Variants in LRBA observed in about 807,000 individuals in gnomAD.
The protein encoded by LRBA is lipopolysaccharide-responsive and beige-like anchor protein.
A neutral mutation model predicts 330.0 loss-of-function variants in LRBA; 176 were observed. That is an observed-to-expected ratio of 0.53 (90% CI 0.47 to 0.60). The LOEUF (loss-of-function observed/expected upper bound fraction) is 0.60, where lower values mean the gene tolerates loss of function less well. LRBA is among the 20% of genes least tolerant of loss of function. LRBA has a pLI of 0.00. For missense variants in LRBA, 3,259 were observed against 3,444.8 expected (o/e 0.95, Z 1.35); for synonymous variants, 1,230 against 1,193.0 (o/e 1.03, Z -0.64).
intron 47 of LRBA, among the ~76,000 whole-genome samples, chr4:150,366,616 C>G (rs1217025513): frequency 3.9e-5 from 6 of 152,116 alleles, no homozygotes; most frequent in Admixed American, 3.3e-4. Context: ...AAATCCAAAG[C>G]CAGGCATGGA....
intron 34 of LRBA, among the ~76,000 whole-genome samples, chr4:150,783,108 C>T (rs763414647): frequency 3.3e-5 from 5 of 152,104 alleles, no homozygotes; most frequent in Non-Finnish European, 7.4e-5. Flanking sequence ...GATATCACAC[C>T]GAGCAATCTA....
chr4:150,889,552 G>A (rs1729268922), intron 17 of LRBA, among the ~76,000 whole-genome samples: 1 of 152,166 alleles, frequency 6.6e-6, no homozygotes, highest in South Asian at 2.1e-4. Flanking sequence ...ATCAGCTGTG[G>A]CATTAGATTC....
intron 37 of LRBA, among the ~76,000 whole-genome samples, chr4:150,642,736 A>C (rs1040771119): frequency 6.6e-6 from 1 of 151,910 alleles, no homozygotes; most frequent in Non-Finnish European, 1.5e-5. Flanking sequence ...AATGTTTTGT[A>C]GTCAAATCAA....
intron 33 of LRBA, among the ~76,000 whole-genome samples, chr4:150,804,728 T>G: frequency 6.6e-6 from 1 of 152,148 alleles, no homozygotes; most frequent in Non-Finnish European, 1.5e-5. Context: ...AAAAGCCAGA[T>G]TTAGCAACCA....
At chr4:150,673,442 A>G (rs985230173) in intron 37 of LRBA, among the ~76,000 whole-genome samples, 11 of 152,330 alleles carry the variant, frequency 7.2e-5, no homozygotes, top group African/African-American at 2.2e-4. Context: ...AGGAAAACTC[A>G]TAACAGGAAT....
At chr4:150,619,684 A>G (rs1210756013) in intron 37 of LRBA, among the ~76,000 whole-genome samples, 1 of 152,170 alleles carries the variant, frequency 6.6e-6, no homozygotes, top group Admixed American at 6.5e-5. Flanking sequence ...CCATCATACC[A>G]TTAGGCTCCA....
At chr4:150,399,533 C>T (rs1008176209) in intron 47 of LRBA, among the ~76,000 whole-genome samples, 1 of 152,166 alleles carries the variant, frequency 6.6e-6, no homozygotes, top group Non-Finnish European at 1.5e-5. Flanking sequence ...AGCGGCTCAA[C>T]ATCTCATGGT....
chr4:150,947,531 C>T (rs1055363015), intron 2 of LRBA, among the ~76,000 whole-genome samples: 1 of 151,910 alleles, frequency 6.6e-6, no homozygotes, highest in South Asian at 2.1e-4. Flanking sequence ...AAAAAAACTT[C>T]AACTTGATAA....
chr4:150,668,193 T>C (rs1781730586), intron 37 of LRBA, among the ~76,000 whole-genome samples: 1 of 152,256 alleles, frequency 6.6e-6, no homozygotes, highest in South Asian at 2.1e-4. Context: ...ACTCTAGATA[T>C]CTATGAGTCT....
chr4:150,742,839 A>C (rs1423469627), intron 35 of LRBA, among the ~76,000 whole-genome samples: 1 of 152,238 alleles, frequency 6.6e-6, no homozygotes, highest in Non-Finnish European at 1.5e-5. Flanking sequence ...TAGAGGCTAC[A>C]GTGAACCATG....
intron 37 of LRBA, among the ~76,000 whole-genome samples, chr4:150,647,743 G>A (rs1199524819): frequency 1.3e-5 from 2 of 151,908 alleles, no homozygotes; most frequent in African/African-American, 2.4e-5. Context: ...AAGATGTGAT[G>A]CTGAATTGTT....
chr4:150,818,532 C>CTCTGTGTGTG (rs200552031), intron 30 of LRBA, among the ~76,000 whole-genome samples: 4 of 145,908 alleles, frequency 2.7e-5, no homozygotes, highest in South Asian at 2.3e-4. Flanking sequence ...TGACGAATGT[C>CTCTGTGTGTG]TGTGTGTGTG....
At chr4:150,977,888 T>C (rs1405049210) in intron 2 of LRBA, among the ~76,000 whole-genome samples, 1 of 152,202 alleles carries the variant, frequency 6.6e-6, no homozygotes, top group African/African-American at 2.4e-5. Context: ...ACCAGTCAGA[T>C]TTCTAAGAGT....
intron 37 of LRBA, among the ~76,000 whole-genome samples, chr4:150,678,578 C>A (rs185366225): frequency 6.6e-6 from 1 of 152,196 alleles, no homozygotes; most frequent in African/African-American, 2.4e-5. Flanking sequence ...CTTTAACTAA[C>A]ATCTCCATTG....
At chr4:150,324,510 T>C (rs1732978323) in intron 49 of LRBA, among the ~76,000 whole-genome samples, 1 of 149,428 alleles carries the variant, frequency 6.7e-6, no homozygotes, top group Non-Finnish European at 1.5e-5. Flanking sequence ...TTCATACTGC[T>C]AGATAAAGAA....
chr4:150,313,013 C>G (rs112762907), intron 51 of LRBA, among the ~76,000 whole-genome samples: 2 of 151,854 alleles, frequency 1.3e-5, no homozygotes, highest in African/African-American at 4.8e-5. Context: ...GTAATAATCA[C>G]TCAATACAGA....
intron 22 of LRBA, 132 bp from the exon 23 acceptor site, chr4:150,853,075 TTAG>T (rs1378408498): frequency 3.6e-5 from 16 of 442,280 alleles, no homozygotes; most frequent in Admixed American, 2.0e-4. Flanking sequence ...ATATTTTATT[TTAG>T]TAGAATGATA....
intron 56 of LRBA, among the ~76,000 whole-genome samples, chr4:150,275,918 A>T (rs1746705018): frequency 6.6e-6 from 1 of 152,204 alleles, no homozygotes; most frequent in African/African-American, 2.4e-5. Flanking sequence ...TCTTCACAGA[A>T]TTAGAAAAAA....
At chr4:150,650,999 G>A (rs1018829088) in intron 37 of LRBA, among the ~76,000 whole-genome samples, 2 of 152,090 alleles carry the variant, frequency 1.3e-5, no homozygotes, top group African/African-American at 4.8e-5. Context: ...TTTGTGGGGA[G>A]AGAATGCAAA....
Sources: allele counts gnomAD v4.1 joint callset (sites outside exome capture counted in the v4.1 genomes callset), GRCh38; gene constraint gnomAD v4.1.1; transcripts MANE v1.5; gene names NCBI Gene and HGNC (gene_info 2026-07-23, HGNC 2026-07-21).